Variants in PDE8A observed in about 807,000 individuals in gnomAD.
PDE8A encodes high affinity cAMP-specific and IBMX-insensitive 3',5'-cyclic phosphodiesterase 8A.
A neutral mutation model predicts 105.0 loss-of-function variants in PDE8A; 59 were observed. The observed-to-expected ratio is 0.56, with a 90% CI of 0.46 to 0.70. The LOEUF is 0.70. Among genes scored for constraint, PDE8A ranks in the 30% least tolerant of loss-of-function variants. The probability of loss-of-function intolerance (pLI) is 0.00; values close to 1 mark genes in which losing one functional copy is unlikely to be tolerated. For missense variants in PDE8A, 1,014 were observed against 1,045.9 expected, an observed-to-expected ratio of 0.97 and a Z score of 0.42; for synonymous variants, 355 against 371.9, an observed-to-expected ratio of 0.95 and a Z score of 0.52.
intron 1 of PDE8A, among the ~76,000 whole-genome samples, chr15:85,041,798 A>G (rs1034331614): frequency 8.5e-5 from 13 of 152,180 alleles, no homozygotes; most frequent in Non-Finnish European, 1.8e-4. Flanking sequence ...TGATTGTCCA[A>G]GGCTGGGGCC....
chr15:85,095,752 C>T (rs979391783), intron 8 of PDE8A, among the ~76,000 whole-genome samples: 8 of 151,960 alleles, frequency 5.3e-5, no homozygotes, highest in Admixed American at 1.3e-4. Flanking sequence ...CCTAAATTGT[C>T]CTGCTCCTTT....
chr15:85,064,316 A>T, intron 1 of PDE8A, 54 bp from the exon 2 acceptor site: 1 of 1,344,160 alleles, frequency 7.4e-7, no homozygotes, highest in Non-Finnish European at 1.1e-6. Context: ...AGAAAAAGTT[A>T]AGCTTCTCTT....
intron 1 of PDE8A, among the ~76,000 whole-genome samples, chr15:84,999,751 T>G (rs565475881): frequency 1.3e-5 from 2 of 152,190 alleles, no homozygotes; most frequent in African/African-American, 4.8e-5. Flanking sequence ...ATTTTTTGTA[T>G]TTTTGGTAGA....
intron 1 of PDE8A, among the ~76,000 whole-genome samples, chr15:84,993,277 T>G (rs8039136): frequency 6.6e-6 from 1 of 151,044 alleles, no homozygotes. Flanking sequence ...CCCCGTCTCT[T>G]CTAAAAATAC....
intron 17 of PDE8A, among the ~76,000 whole-genome samples, chr15:85,119,878 G>T (rs1653008604): frequency 6.6e-6 from 1 of 151,956 alleles, no homozygotes; most frequent in Admixed American, 6.5e-5. Context: ...ATAGTTAAAG[G>T]TTTATGTTTT....
chr15:85,097,914 A>C (rs376582324), intron 8 of PDE8A, 34 bp from the exon 9 acceptor site: 86 of 1,181,398 alleles, frequency 7.3e-5, no homozygotes, highest in African/African-American at 2.0e-4. Context: ...TGTTTTCAAC[A>C]CAAAGTATGA....
intron 1 of PDE8A, among the ~76,000 whole-genome samples, chr15:85,027,376 C>T (rs555414618): frequency 1.2e-3 from 188 of 152,302 alleles, no homozygotes; most frequent in African/African-American, 4.3e-3. Flanking sequence ...AATAAAGAGA[C>T]AGCTACCTCG....
intron 1 of PDE8A, among the ~76,000 whole-genome samples, chr15:85,037,216 C>A (rs926339043): frequency 2.0e-5 from 3 of 152,054 alleles, no homozygotes; most frequent in Non-Finnish European, 4.4e-5. Context: ...CAGGTGCCCA[C>A]GACCACGCCC....
intron 1 of PDE8A, chr15:85,062,963 A>G (rs916068174): frequency 6.6e-6 from 1 of 152,182 alleles, no homozygotes; most frequent in African/African-American, 2.4e-5. Flanking sequence ...ATCCAGTTAC[A>G]CCAGTATGAG....
At chr15:85,116,745 G>A (rs2082102663) in intron 16 of PDE8A, among the ~76,000 whole-genome samples, 1 of 152,196 alleles carries the variant, frequency 6.6e-6, no homozygotes, top group Non-Finnish European at 1.5e-5. Context: ...TTGGGCCATG[G>A]GATGGCTCCT....
chr15:85,081,912 C>T (rs188218854), intron 5 of PDE8A, among the ~76,000 whole-genome samples: 192 of 152,122 alleles, frequency 1.3e-3, no homozygotes, highest in African/African-American at 4.4e-3. Flanking sequence ...CATGGGAATC[C>T]ATTTGTGGAA....
At chr15:85,055,328 G>A (rs1255761838) in intron 1 of PDE8A, among the ~76,000 whole-genome samples, 4 of 152,162 alleles carry the variant, frequency 2.6e-5, no homozygotes, top group Admixed American at 2.0e-4. Context: ...TATTAGGTCT[G>A]CTTGGTGCAG....
intron 1 of PDE8A, among the ~76,000 whole-genome samples, chr15:84,991,449 T>C (rs2079884564): frequency 6.6e-6 from 1 of 152,206 alleles, no homozygotes; most frequent in South Asian, 2.1e-4. Context: ...ACTCATCAAA[T>C]TGGCAGACAT....
At chr15:84,994,315 G>A (rs535074703) in intron 1 of PDE8A, among the ~76,000 whole-genome samples, 1 of 152,260 alleles carries the variant, frequency 6.6e-6, no homozygotes, top group South Asian at 2.1e-4. Flanking sequence ...TCTGATTGCT[G>A]TATTAAAAAC....
At chr15:85,126,173 AT>A (rs2082255482) in intron 19 of PDE8A, 33 bp from the exon 20 acceptor site, 8 of 1,559,176 alleles carry the variant, frequency 5.1e-6, no homozygotes, top group Non-Finnish European at 6.1e-6. Flanking sequence ...CAAGGGATCC[AT>A]TTTGATTGCT....
At chr15:85,024,693 C>G (rs890619085) in intron 1 of PDE8A, among the ~76,000 whole-genome samples, 2 of 152,142 alleles carry the variant, frequency 1.3e-5, no homozygotes, top group African/African-American at 4.8e-5. Flanking sequence ...CCAAAATTTC[C>G]CAGTAGTTTG....
intron 8 of PDE8A, 122 bp from the exon 9 acceptor site, chr15:85,097,826 G>T: frequency 1.6e-6 from 1 of 635,818 alleles, no homozygotes; most frequent in African/African-American, 1.8e-5. Flanking sequence ...TCAGTTTGGG[G>T]TTGGGATCAT....
intron 8 of PDE8A, among the ~76,000 whole-genome samples, chr15:85,097,499 G>A (rs1488304939): frequency 3.3e-5 from 5 of 152,112 alleles, no homozygotes; most frequent in Non-Finnish European, 7.4e-5. Context: ...CATCCCAGAA[G>A]GGCCTCAAGC....
chr15:85,035,677 AT>A (rs2080694265), intron 1 of PDE8A, among the ~76,000 whole-genome samples: 1 of 140,756 alleles, frequency 7.1e-6, no homozygotes, highest in Non-Finnish European at 1.5e-5. Context: ...ATTATTATTT[AT>A]TTTGAATAGT....
Sources: gnomAD v4.1 joint callset for allele counts (sites outside exome capture counted in the v4.1 genomes callset) on GRCh38, gnomAD v4.1.1 for gene constraint, MANE v1.5 for transcripts, NCBI Gene and HGNC (gene_info 2026-07-23, HGNC 2026-07-21) for gene names.